UMODL1: variants seen among roughly 807,000 people sequenced by gnomAD.
UMODL1 encodes uromodulin like 1.
A neutral mutation model predicts 136.3 loss-of-function variants in UMODL1; 128 were observed. That is an observed-to-expected ratio of 0.94 (90% CI 0.81 to 1.09). The LOEUF (loss-of-function observed/expected upper bound fraction) is 1.09. Ranked by LOEUF, UMODL1 falls within the 50% of genes least tolerant of loss-of-function variation. The pLI is 0.00. For missense variants in UMODL1, 1,766 were observed against 1,725.6 expected, an observed-to-expected ratio of 1.02 and a Z score of -0.41; for synonymous variants, 721 against 720.0, an observed-to-expected ratio of 1.00 and a Z score of -0.02.
At chr21:42,064,789 C>T (rs1014335595) in intron 1 of UMODL1, among the ~76,000 whole-genome samples, 1 of 152,200 alleles carries the variant, frequency 6.6e-6, no homozygotes, top group African/African-American at 2.4e-5. Flanking sequence ...CTCCTGACCT[C>T]AGGTGATCTG....
chr21:42,141,049 C>T (rs1252387810), intron 22 of UMODL1, among the ~76,000 whole-genome samples: 1 of 152,214 alleles, frequency 6.6e-6, no homozygotes, highest in Non-Finnish European at 1.5e-5. Context: ...CCCGTCTTCC[C>T]TGTGCTCAGG....
At position 42,119,074 on chromosome 21, in the gene UMODL1, G is replaced by C. The variant is rs1241704496; in HGVS notation, c.2476-37G>C. The C allele has an allele frequency of 1.9e-6, 3 of 1,597,964 alleles. No individual in the cohort carries two copies. The South Asian group carries it at 3.3e-5, about 18-fold the overall frequency. On this transcript the variant is annotated intron_variant, in intron 14 of 22. Transcript: ENST00000408910. Reference sequence around the variant, plus strand: ...TGAGACGGGCATCTGTTTCCTCTCAGCGTGGGGACCTCCTCACATGGCCTC... The same window carrying C: ...TGAGACGGGCATCTGTTTCCTCTCACCGTGGGGACCTCCTCACATGGCCTC...
At position 42,123,150 on chromosome 21, in the gene UMODL1, C is replaced by T. The variant is rs754587939; in HGVS notation, c.3147C>T (p.Ser1049=). 44 of 1,608,586 alleles carry T rather than the reference C, an allele frequency of 2.7e-5. No homozygotes were observed. Among genetic ancestry groups the T allele is most frequent in the East Asian group, 8.9e-5 (4 of 44,818 alleles). ...GWSECGTLMQ[S]NMTNTVVRTT... is the part of the protein sequence containing the mutation. ...GCGAGTGTGGGACCCTCATGCAGAG[C>T]GTAAGACCAGGAGAGCCAGGCTCAG... The change falls in exon 17 of 23, where the codon AGC becomes AGT. Residue 1049 remains serine, a splice_region_variant and synonymous_variant. Coordinates refer to ENST00000408910, the MANE Select transcript of UMODL1 (RefSeq NM_001004416.3). The surrounding 1 kb of genome is among the most constrained non-coding windows in gnomAD (Gnocchi z 4.4).
At chr21:42,102,988 A>G (rs1057167763) in intron 8 of UMODL1, 3 of 154,744 alleles carry the variant, frequency 1.9e-5, no homozygotes, top group African/African-American at 4.8e-5. Flanking sequence ...GAAGCACACA[A>G]AGTGGGTCTG....
intron 9 of UMODL1, 38 bp from the exon 10 acceptor site, chr21:42,109,524 G>A: frequency 6.3e-7 from 1 of 1,597,978 alleles, no homozygotes; most frequent in Non-Finnish European, 8.5e-7. Flanking sequence ...CTCTTTGGCT[G>A]TTTTCTCATG....
chr21:42,097,847 T>C (rs1009643494), intron 6 of UMODL1, among the ~76,000 whole-genome samples: 7 of 152,156 alleles, frequency 4.6e-5, no homozygotes, highest in Non-Finnish European at 8.8e-5. Flanking sequence ...TCGATGCTAT[T>C]TGAGCACTAG....
chr21:42,111,453 C>T (rs1403054239), intron 11 of UMODL1, 53 bp from the exon 12 acceptor site: 1 of 1,613,858 alleles, frequency 6.2e-7, no homozygotes, highest in Non-Finnish European at 8.5e-7. Context: ...ACTGGGTCAA[C>T]CCACAGCTTC....
chr21:42,082,596 G>C (rs1295374179), intron 2 of UMODL1, among the ~76,000 whole-genome samples: 1 of 152,166 alleles, frequency 6.6e-6, no homozygotes, highest in Non-Finnish European at 1.5e-5. Context: ...CTGGGGCCCA[G>C]CACTGGGGTC....
chr21:42,110,901 G>T lies in UMODL1; in HGVS notation c.1679G>T (p.Gly560Val). ...ACEGDLVSPM[G>V]GGLSAATGVT... The stretch of plus-strand genomic sequence containing the variant: ...GCAGGTGACCTGGTGAGCCCCATGG[G>T]CGGTGGACTGTCTGCGGCAACAGGG... Residue 560 changes from glycine to valine, a missense_variant, in exon 11 of 23, where the codon GGC becomes GTC. Gly to Val is a moderately radical substitution (Grantham distance 109, BLOSUM62 -3). Transcript: ENST00000408910. 1 of 1,610,526 alleles carries T rather than the reference G, an allele frequency of 6.2e-7. No homozygotes were observed. Among genetic ancestry groups the T allele is most frequent in the Non-Finnish European group, 8.5e-7 (1 of 1,179,012 alleles).
chr21:42,097,495 G>T (rs983886815), intron 6 of UMODL1, among the ~76,000 whole-genome samples: 4 of 152,194 alleles, frequency 2.6e-5, no homozygotes, highest in Admixed American at 6.5e-5. Flanking sequence ...AAAGGGAAAT[G>T]AGTTGGACAG....
At chr21:42,114,516 G>T (rs893441640) in intron 13 of UMODL1, among the ~76,000 whole-genome samples, 4 of 151,464 alleles carry the variant, frequency 2.6e-5, no homozygotes, top group Non-Finnish European at 4.4e-5. Flanking sequence ...CTGCACGGTG[G>T]GGCGCACACC....
At chr21:42,078,815 G>A (rs1456141643) in intron 2 of UMODL1, among the ~76,000 whole-genome samples, 1 of 152,226 alleles carries the variant, frequency 6.6e-6, no homozygotes, top group Non-Finnish European at 1.5e-5. Flanking sequence ...CCACTGGCAG[G>A]ACAAGCCTAT....
chr21:42,086,493 A>G (rs780728942), intron 4 of UMODL1: 144 of 455,180 alleles, frequency 3.2e-4, no homozygotes, highest in Non-Finnish European at 5.7e-4. Flanking sequence ...CTCGGCCTTA[A>G]CAGCCCGGGC....
chr21:42,111,845 G>A (rs746260528), intron 12 of UMODL1, 135 bp downstream of exon 12: 675 of 957,140 alleles, frequency 7.1e-4, no homozygotes, highest in Non-Finnish European at 9.4e-4. Flanking sequence ...CATCTTGTGC[G>A]TGTGGAAACG....
chr21:42,114,231 G>A (rs1021133357), intron 13 of UMODL1, among the ~76,000 whole-genome samples: 5 of 152,194 alleles, frequency 3.3e-5, no homozygotes, highest in Admixed American at 6.5e-5. Context: ...ACAGACAATC[G>A]GCAGTCACAT....
At chr21:42,132,692 C>G (rs73373663) in intron 21 of UMODL1, among the ~76,000 whole-genome samples, 8,267 of 152,260 alleles carry the variant, frequency 0.054, 356 homozygotes, top group East Asian at 0.22. Context: ...AACATGCCCT[C>G]CCTACCTCAT....
chr21:42,104,849 G>C (rs13048496), intron 9 of UMODL1, among the ~76,000 whole-genome samples: 1 of 152,238 alleles, frequency 6.6e-6, no homozygotes, highest in Non-Finnish European at 1.5e-5. Context: ...AAGAGACAGA[G>C]AGATAAAGAG....
intron 22 of UMODL1, among the ~76,000 whole-genome samples, chr21:42,140,143 C>T (rs1272975581): frequency 6.6e-6 from 1 of 152,160 alleles, no homozygotes; most frequent in Admixed American, 6.5e-5. Context: ...AGGACCTGAG[C>T]ACAGGAAAGA....
intron 9 of UMODL1, among the ~76,000 whole-genome samples, chr21:42,106,828 G>C: frequency 6.6e-6 from 1 of 152,056 alleles, no homozygotes; most frequent in East Asian, 1.9e-4. Context: ...CCTCTCCCTG[G>C]GCCTCAGTAT....
Sources: gnomAD v4.1 joint callset for allele counts (sites outside exome capture counted in the v4.1 genomes callset) on GRCh38, gnomAD v4.1.1 for gene constraint, Gnocchi (gnomAD v3.1) non-coding constraint, MANE v1.5 for transcripts, NCBI Gene and HGNC (gene_info 2026-07-23, HGNC 2026-07-21) for gene names.